Variants in ANOS1 observed in about 807,000 individuals in gnomAD.
ANOS1 encodes the protein anosmin 1.
In ANOS1, 6 loss-of-function variants were observed where a neutral mutation model predicts 59.0. That is an observed-to-expected ratio of 0.10 (90% confidence interval 0.06 to 0.20). The LOEUF is 0.20. ANOS1 is among the 10% of genes least tolerant of loss of function. The pLI, the probability that ANOS1 is intolerant of heterozygous loss-of-function variation, is 1.00. For synonymous variants in ANOS1, 217 were observed against 223.4 expected (o/e 0.97, Z 0.25); for missense variants, 433 against 542.3 (o/e 0.80, Z 2.00).
chrX:8,641,039 G>A (rs1361543187), intron 2 of ANOS1, among the ~76,000 whole-genome samples: 1 of 112,396 alleles, frequency 8.9e-6, no homozygotes, highest in East Asian at 2.8e-4. Flanking sequence ...CAGCCTATAT[G>A]CAAGAAGAAT....
chrX:8,617,342 T>C (rs1931194345), intron 3 of ANOS1, among the ~76,000 whole-genome samples: 1 of 112,305 alleles, frequency 8.9e-6, no homozygotes, highest in Admixed American at 9.4e-5. Flanking sequence ...TAAAAAGTTT[T>C]GAGTGCAAGA....
intron 2 of ANOS1, among the ~76,000 whole-genome samples, chrX:8,668,265 G>C (rs1410969348): frequency 2.8e-5 from 3 of 106,574 alleles, no homozygotes; most frequent in African/African-American, 6.8e-5. Context: ...TCCCACTTAG[G>C]AGTGAGAATA....
intron 1 of ANOS1, among the ~76,000 whole-genome samples, chrX:8,712,193 G>A (rs1932816473): frequency 8.9e-6 from 1 of 111,972 alleles, no homozygotes; most frequent in Non-Finnish European, 1.9e-5. Context: ...TTGAGCTTCT[G>A]GTAGTTCCTT....
intron 3 of ANOS1, among the ~76,000 whole-genome samples, chrX:8,615,771 A>G (rs2146840702): frequency 9.0e-6 from 1 of 110,755 alleles, no homozygotes; most frequent in Admixed American, 9.6e-5. Flanking sequence ...ATTCTCATGT[A>G]TCCATGAATT....
chrX:8,730,274 C>G (rs947609883), intron 1 of ANOS1, among the ~76,000 whole-genome samples: 16 of 112,396 alleles, frequency 1.4e-4, no homozygotes, highest in African/African-American at 5.2e-4. Flanking sequence ...GGCTGGAAAC[C>G]AGGTGCCTGG....
At chrX:8,579,811 G>T (rs981202674) in intron 6 of ANOS1, among the ~76,000 whole-genome samples, 2 of 111,928 alleles carry the variant, frequency 1.8e-5, no homozygotes, top group Admixed American at 9.5e-5. Context: ...TCTGAGGTGT[G>T]TGTGCTTCAC....
chrX:8,650,016 A>C (rs1931825558), intron 2 of ANOS1, among the ~76,000 whole-genome samples: 2 of 113,045 alleles, frequency 1.8e-5, no homozygotes, highest in African/African-American at 6.4e-5. Context: ...TAGAAGTGAC[A>C]GGCTTTATAT....
rs139686267 is a variant in ANOS1, at chrX:8,535,103, A to ATT, written c.1842+486_1842+487dup. ...CAGAGAGGGTAAAATCCCACACATG[A>ATT]TTTTTTTTTTTTTTTTTTGAAGCCA... is the stretch of plus-strand genomic sequence containing the variant. On this transcript the variant is annotated intron_variant, in intron 12 of 13. Transcript: ENST00000262648. 2.2e-4 allele frequency: 21 copies of ATT among 95,144 alleles called. No individual in the cohort carries two copies. The East Asian group carries it at 4.0e-3, about 18-fold the overall frequency. 7.8% of individuals were successfully genotyped at this position (95,144 alleles called of 1,213,427 possible). A position where few individuals can be genotyped will look rare whatever the true frequency, so the allele number is the denominator to read the frequency against.
chrX:8,653,099 AC>A (rs914632345), intron 2 of ANOS1, among the ~76,000 whole-genome samples: 8 of 109,230 alleles, frequency 7.3e-5, no homozygotes, highest in African/African-American at 2.3e-4. Flanking sequence ...CAAGTGATCC[AC>A]CCGCCTCAAC....
chrX:8,662,300 T>C (rs1206099518), intron 2 of ANOS1, among the ~76,000 whole-genome samples: 1 of 112,193 alleles, frequency 8.9e-6, no homozygotes, highest in African/African-American at 3.2e-5. Context: ...CTTGGTTTAA[T>C]GCTTTGCCAT....
intron 2 of ANOS1, among the ~76,000 whole-genome samples, chrX:8,689,425 C>G (rs890917338): frequency 9.1e-6 from 1 of 110,323 alleles, no homozygotes; most frequent in African/African-American, 3.3e-5. Context: ...GGCCGGTCTC[C>G]GTGGCTCATG....
rs529559290 is a variant in ANOS1, at chrX:8,542,028, C to T, written c.1355-2270G>A. On this transcript the variant is annotated intron_variant, in intron 9 of 13. Transcript: ENST00000262648. ...ATAGGAGGCAGCATCAAGAGTGACA[C>T]ATGGGGCACTCCTTTTGGGTTCCCT... Among the ~76,000 whole-genome samples, 77 of 98,733 alleles carry T rather than the reference C, an allele frequency of 7.8e-4. 1 individual carries two copies. The highest frequency in any genetic ancestry group is 2.9e-3 in the African/African-American group (73 of 25,502). The allele number at this position is 98,733 out of a possible 115,157, so 85.7% of individuals were successfully genotyped here. A position where few individuals can be genotyped will look rare whatever the true frequency, so the allele number is the denominator to read the frequency against.
intron 2 of ANOS1, among the ~76,000 whole-genome samples, chrX:8,641,652 C>T (rs535253446): frequency 1.8e-5 from 2 of 111,836 alleles, no homozygotes; most frequent in Admixed American, 9.5e-5. Context: ...TTTCTTAAAG[C>T]GCATGGGAAT....
intron 2 of ANOS1, among the ~76,000 whole-genome samples, chrX:8,643,587 T>C (rs755331690): frequency 8.9e-6 from 1 of 112,175 alleles, no homozygotes; most frequent in African/African-American, 3.2e-5. Flanking sequence ...CCCCAAAATA[T>C]GTTTTTTGTT....
Position 8,531,506 on chromosome X carries a change from T to C in ANOS1, c.*1489A>G, listed in dbSNP as rs1208866344. On this transcript the variant is annotated 3_prime_UTR_variant, in exon 14 of 14. Transcript: ENST00000262648. ...GTAGGTAAAGACATATGGACACCTT[T>C]CTTTTACAGTGTTTAATTTTGATAA... 9.0e-6 allele frequency: 1 copy of C among 111,608 alleles called. No homozygotes were observed. Among genetic ancestry groups the C allele is most frequent in the African/African-American group, 3.3e-5 (1 of 30,734 alleles). 9.2% of individuals were successfully genotyped at this position (111,608 alleles called of 1,213,427 possible).
intron 6 of ANOS1, among the ~76,000 whole-genome samples, chrX:8,572,740 G>T (rs1930253855): frequency 9.0e-6 from 1 of 111,693 alleles, no homozygotes; most frequent in Non-Finnish European, 1.9e-5. Context: ...GACTTATACT[G>T]GGATATGCTG....
At chrX:8,594,766 A>ATT (rs1239308066) in intron 4 of ANOS1, among the ~76,000 whole-genome samples, 79 of 67,998 alleles carry the variant, frequency 1.2e-3, no homozygotes, top group Non-Finnish European at 2.0e-3. Flanking sequence ...ATATATATAT[A>ATT]TTTTTTTTTT....
chrX:8,623,030 TGATG>T (rs34949507), intron 3 of ANOS1, among the ~76,000 whole-genome samples: 2,220 of 102,403 alleles, frequency 0.022, 49 homozygotes, highest in African/African-American at 0.065. Flanking sequence ...GATGGATGGA[TGATG>T]GATGGATGGA....
At chrX:8,628,177 C>T (rs1601990983) in intron 2 of ANOS1, among the ~76,000 whole-genome samples, 2 of 111,700 alleles carry the variant, frequency 1.8e-5, no homozygotes, top group African/African-American at 6.5e-5. Flanking sequence ...CTAAAAGACA[C>T]TCCCACCAGT....
Sources: allele counts gnomAD v4.1 joint callset (sites outside exome capture counted in the v4.1 genomes callset), GRCh38; gene constraint gnomAD v4.1.1; transcripts MANE v1.5; gene names NCBI Gene and HGNC (gene_info 2026-07-23, HGNC 2026-07-21).